WDR26: variants seen among roughly 807,000 people sequenced by gnomAD.
The protein encoded by WDR26 is WD repeat domain 26.
A neutral mutation model predicts 84.1 loss-of-function variants in WDR26; 5 were observed. The observed-to-expected ratio is 0.06, with a 90% CI of 0.03 to 0.13. The LOEUF is 0.13. WDR26 is among the 10% of genes least tolerant of loss of function. The probability of loss-of-function intolerance (pLI) is 1.00; values close to 1 mark genes in which losing one functional copy is unlikely to be tolerated. For missense variants in WDR26, 642 were observed against 974.9 expected (o/e 0.66, Z 4.55); for synonymous variants, 415 against 389.6 (o/e 1.07, Z -0.77).
At chr1:224,407,138 AAAAAAAAAAAAAAATAT>A (rs1423728688) in intron 7 of WDR26, among the ~76,000 whole-genome samples, 1 of 63,896 alleles carries the variant, frequency 1.6e-5, no homozygotes, top group Non-Finnish European at 3.1e-5. Flanking sequence ...AAAAAAAAAA[AAAAAAAAAAAAAAATAT>A]ATATATATAT....
At position 224,398,552 on chromosome 1, in the gene WDR26, T is replaced by C; in HGVS notation, c.1907A>G (p.Lys636Arg). ...ATTTAACAAAGCTAATCGGCCATTT[T>C]TTGAAATAGTAAAAGACATAATAGG... Residue 636 changes from lysine (K) to arginine (R), a missense_variant, in exon 11 of 14, where the codon AAA becomes AGA. Lys to Arg is a conservative substitution (Grantham distance 26). Around this residue, in one of 2 missense-constraint regions of WDR26, gnomAD observed 351 missense variants for 672.8 expected, o/e 0.52. Coordinates refer to ENST00000414423, the MANE Select transcript of WDR26 (RefSeq NM_001379403.1). The C allele has an allele frequency of 6.2e-7, 1 of 1,610,540 alleles. No individual in the cohort carries two copies. Among genetic ancestry groups the C allele is most frequent in the Non-Finnish European group, 8.5e-7 (1 of 1,178,964 alleles).
intron 13 of WDR26, among the ~76,000 whole-genome samples, chr1:224,391,394 A>AC (rs749864726): frequency 1.5e-5 from 2 of 137,806 alleles, no homozygotes; most frequent in African/African-American, 5.4e-5. Context: ...CAAAAAAAAA[A>AC]CCTTAATTCT....
Position 224,434,240 on chromosome 1 carries a change from A to AGGACGGAGG in WDR26, c.157_165dup (p.Pro53_Ser55dup). The AGGACGGAGG allele has an allele frequency of 7.3e-7, 1 of 1,379,226 alleles. No individual in the cohort carries two copies. Among genetic ancestry groups the AGGACGGAGG allele is most frequent in the Non-Finnish European group, 9.3e-7 (1 of 1,070,272 alleles). The allele number at this position is 1,379,226 out of a possible 1,614,324, so 85.4% of individuals were successfully genotyped here. A position where few individuals can be genotyped will look rare whatever the true frequency, so the allele number is the denominator to read the frequency against. On this transcript the variant is annotated inframe_insertion, in exon 1 of 14. Coordinates refer to ENST00000414423, the MANE Select transcript of WDR26 (RefSeq NM_001379403.1). The stretch of plus-strand genomic sequence containing the variant: ...GAGGAGGAGGAGGACGAGGACGACG[A>AGGACGGAGG]GGACGGAGGGGAGAGGCCTGCTCTG...
At chr1:224,422,416 T>C (rs1168775652) in intron 4 of WDR26, among the ~76,000 whole-genome samples, 1 of 152,166 alleles carries the variant, frequency 6.6e-6, no homozygotes, top group African/African-American at 2.4e-5. Context: ...ATATGCATTG[T>C]TAAGAAATTA....
chr1:224,406,395 G>A (rs564411310), intron 7 of WDR26, among the ~76,000 whole-genome samples: 37 of 152,228 alleles, frequency 2.4e-4, no homozygotes, highest in African/African-American at 8.7e-4. Flanking sequence ...TGAGCCTGGG[G>A]GGATGGGGGG....
Position 224,399,648 on chromosome 1 carries a change from C to T in WDR26, c.1720-614G>A, listed in dbSNP as rs568056697. Among the ~76,000 whole-genome samples, 3 of 152,272 alleles carry T rather than the reference C, an allele frequency of 2.0e-5. No homozygotes were observed. In the East Asian group the frequency reaches 5.8e-4, roughly 29 times the overall value. On this transcript the variant is annotated intron_variant, in intron 9 of 13. Transcript: ENST00000414423. ...ACACAGTATAGGACAGCAAACTCAG[C>T]AGAAACATACATGATCATCTTGCAC...
chr1:224,434,282 G>T lies in WDR26; in HGVS notation c.124C>A (p.Pro42Thr). ...CCTGCTCTGCCTGCCGAAGCCCCGG[G>T]CTCTCCTACTCCCTCCGCCGCCGAG... Residue 42 changes from proline to threonine, a missense_variant, in exon 1 of 14, where the codon CCC (proline) becomes ACC (threonine). Coordinates refer to ENST00000414423, the MANE Select transcript of WDR26 (RefSeq NM_001379403.1). 7.8e-7 allele frequency: 1 copy of T among 1,277,742 alleles called. No individual in the cohort carries two copies. The highest frequency in any genetic ancestry group is 2.9e-5 in the South Asian group (1 of 34,048). 79.2% of individuals were successfully genotyped at this position (1,277,742 alleles called of 1,614,324 possible). A position where few individuals can be genotyped will look rare whatever the true frequency, so the allele number is the denominator to read the frequency against.
chr1:224,409,247 TTAATGCATTAA>T (rs1439450578), intron 7 of WDR26, among the ~76,000 whole-genome samples: 1 of 152,244 alleles, frequency 6.6e-6, no homozygotes, highest in Non-Finnish European at 1.5e-5. Context: ...AATTTATTAT[TTAATGCATTAA>T]TAAAGCATTA....
At chr1:224,399,589 T>G (rs1242466944) in intron 9 of WDR26, among the ~76,000 whole-genome samples, 1 of 152,208 alleles carries the variant, frequency 6.6e-6, no homozygotes, top group Non-Finnish European at 1.5e-5. Flanking sequence ...CTTCCCATTT[T>G]ATAAGTTAGA....
intron 12 of WDR26, among the ~76,000 whole-genome samples, chr1:224,394,385 GCAAAAATGAAGATGACA>G (rs1459808868): frequency 6.6e-6 from 1 of 152,064 alleles, no homozygotes; most frequent in Non-Finnish European, 1.5e-5. Flanking sequence ...GAATACTGAA[GCAAAAATGAAGATGACA>G]GCTAAACCTT....
chr1:224,422,689 G>A (rs1304994580), intron 4 of WDR26, among the ~76,000 whole-genome samples: 2 of 149,922 alleles, frequency 1.3e-5, no homozygotes, highest in Non-Finnish European at 3.0e-5. Context: ...ACCCCAGCCT[G>A]GGTGACAATA....
chr1:224,425,214 A>C (rs1028993539), intron 3 of WDR26, among the ~76,000 whole-genome samples: 1 of 152,210 alleles, frequency 6.6e-6, no homozygotes, highest in Non-Finnish European at 1.5e-5. Flanking sequence ...AGAGCTGTCC[A>C]ACAAATGTAC....
chr1:224,419,351 G>A (rs571481458), intron 5 of WDR26, 167 bp downstream of exon 5: 10 of 590,898 alleles, frequency 1.7e-5, no homozygotes, highest in Admixed American at 1.4e-4. Flanking sequence ...GACTCCTGAG[G>A]TTAGCTTCTT....
chr1:224,407,147 A>ATATATATAT (rs1164642480), intron 7 of WDR26, among the ~76,000 whole-genome samples: 2 of 19,450 alleles, frequency 1.0e-4, no homozygotes, highest in African/African-American at 2.0e-4. Flanking sequence ...AAAAAAAAAA[A>ATATATATAT]AAAAATATAT....
chr1:224,404,218 CACTT>C (rs746159180), intron 8 of WDR26, among the ~76,000 whole-genome samples: 15 of 152,162 alleles, frequency 9.9e-5, no homozygotes, highest in Non-Finnish European at 1.8e-4. Context: ...ATCCTGAAAA[CACTT>C]ACTGATCATT....
intron 7 of WDR26, among the ~76,000 whole-genome samples, chr1:224,407,151 A>AAAAAAAGAATATAT: frequency 8.4e-5 from 1 of 11,868 alleles, no homozygotes; most frequent in Non-Finnish European, 1.4e-4. Context: ...AAAAAAAAAA[A>AAAAAAAGAATATAT]ATATATATAT....
chr1:224,398,075 A>G, intron 12 of WDR26, 22 bp downstream of exon 12: 1 of 1,608,438 alleles, frequency 6.2e-7, no homozygotes, highest in Non-Finnish European at 8.5e-7. Flanking sequence ...AACATATGTA[A>G]ACTGATAAGG....
At chr1:224,391,666 A>AC (rs1318722294) in intron 13 of WDR26, among the ~76,000 whole-genome samples, 1 of 152,178 alleles carries the variant, frequency 6.6e-6, no homozygotes, top group African/African-American at 2.4e-5. Flanking sequence ...AGCTAGGATT[A>AC]CAGGCGCAAG....
At chr1:224,422,951 T>C (rs1674108150) in intron 4 of WDR26, among the ~76,000 whole-genome samples, 1 of 152,232 alleles carries the variant, frequency 6.6e-6, no homozygotes, top group Non-Finnish European at 1.5e-5. Flanking sequence ...GATCTTGCGA[T>C]ATACTGGAAG....
Sources: gnomAD v4.1 joint callset for allele counts (sites outside exome capture counted in the v4.1 genomes callset) on GRCh38, gnomAD v4.1.1 for gene constraint, gnomAD v4.1.1 regional missense constraint, MANE v1.5 for transcripts, NCBI Gene and HGNC (gene_info 2026-07-23, HGNC 2026-07-21) for gene names.